Variants in AKAP6 observed in about 807,000 individuals in gnomAD.
AKAP6 encodes A-kinase anchoring protein 6, also known as A-kinase anchor protein 6.
Under a neutral mutation model 188.5 loss-of-function variants are expected in AKAP6, and 58 were observed. The ratio of observed to expected loss-of-function variants is 0.31; its 90% CI spans 0.25 to 0.38. The LOEUF (loss-of-function observed/expected upper bound fraction) is 0.38, where lower values mean the gene tolerates loss of function less well. Ranked by LOEUF, AKAP6 falls within the 10% of genes least tolerant of loss-of-function variation. The probability of loss-of-function intolerance (pLI) is 1.00; values close to 1 mark genes in which losing one functional copy is unlikely to be tolerated. For missense variants in AKAP6, 2,710 were observed against 2,740.0 expected (o/e 0.99, Z 0.24); for synonymous variants, 989 against 998.6 (o/e 0.99, Z 0.18).
chr14:32,349,304 T>G (rs1887180936), intron 1 of AKAP6, among the ~76,000 whole-genome samples: 2 of 150,794 alleles, frequency 1.3e-5, no homozygotes, highest in Admixed American at 1.3e-4. Context: ...TTCAAAACAT[T>G]TCATTTAAAC....
intron 12 of AKAP6, among the ~76,000 whole-genome samples, chr14:32,793,085 A>G (rs1192783290): frequency 6.6e-6 from 1 of 152,232 alleles, no homozygotes; most frequent in Non-Finnish European, 1.5e-5. Flanking sequence ...ACTGAAGTAC[A>G]CAGACCAGTG....
intron 1 of AKAP6, among the ~76,000 whole-genome samples, chr14:32,358,714 G>A (rs1172009191): frequency 6.6e-6 from 1 of 152,108 alleles, no homozygotes; most frequent in South Asian, 2.1e-4. Flanking sequence ...TGGTGGGTGG[G>A]TTTCCTCAGG....
At chr14:32,819,138 G>A (rs1166241619) in intron 12 of AKAP6, among the ~76,000 whole-genome samples, 3 of 151,972 alleles carry the variant, frequency 2.0e-5, no homozygotes, top group African/African-American at 7.3e-5. Flanking sequence ...ATGATTGCTG[G>A]GTACTAGATT....
At chr14:32,735,945 C>T in intron 11 of AKAP6, 63 bp downstream of exon 11, 1 of 1,272,148 alleles carries the variant, frequency 7.9e-7, no homozygotes, top group South Asian at 1.4e-5. Flanking sequence ...AAATATTTAT[C>T]AAGTACATGA....
chr14:32,585,046 C>T (rs1009281612), intron 5 of AKAP6, among the ~76,000 whole-genome samples: 61 of 148,294 alleles, frequency 4.1e-4, no homozygotes, highest in African/African-American at 1.4e-3. Flanking sequence ...TTTTTTTTCC[C>T]CTTTAAGAGA....
chr14:32,331,233 GT>G (rs1237292964), intron 1 of AKAP6, among the ~76,000 whole-genome samples: 5 of 152,026 alleles, frequency 3.3e-5, no homozygotes, highest in Admixed American at 1.3e-4. Context: ...ATTGTAATGA[GT>G]TTTCTGTTTG....
At chr14:32,707,903 G>A (rs542366392) in intron 9 of AKAP6, among the ~76,000 whole-genome samples, 1 of 152,116 alleles carries the variant, frequency 6.6e-6, no homozygotes, top group African/African-American at 2.4e-5. Flanking sequence ...TGATATCAGG[G>A]AGAAAGAGAA....
At chr14:32,642,467 T>A (rs2139496787) in intron 7 of AKAP6, among the ~76,000 whole-genome samples, 1 of 152,348 alleles carries the variant, frequency 6.6e-6, no homozygotes, top group East Asian at 1.9e-4. Flanking sequence ...ATATAAAAAC[T>A]TTTGAACTTA....
In AKAP6 at chr14:32,828,529, T is replaced by TCA. The variant is rs55957852; in HGVS notation, c.*43-1277_*43-1276dup. On this transcript the variant is annotated intron_variant, in intron 13 of 13. Coordinates refer to ENST00000280979, the MANE Select transcript of AKAP6 (RefSeq NM_004274.5). ...CTATCTCTCTCTCTCTCTCTCTCTC[T>TCA]CACACACACACACACACACACACAC... 3.5e-3 allele frequency among the ~76,000 whole-genome samples: 264 copies of TCA among 75,996 alleles called. 3 individuals are homozygous for TCA. Among genetic ancestry groups the TCA allele is most frequent in the Middle Eastern group, 0.013 (2 of 150 alleles). The allele number at this position is 75,996 out of a possible 152,430, so 49.9% of individuals were successfully genotyped here. A position where few individuals can be genotyped will look rare whatever the true frequency, so the allele number is the denominator to read the frequency against.
At chr14:32,396,208 A>C (rs1404296632) in intron 1 of AKAP6, among the ~76,000 whole-genome samples, 1 of 152,074 alleles carries the variant, frequency 6.6e-6, no homozygotes, top group African/African-American at 2.4e-5. Flanking sequence ...AAATATGATA[A>C]ATTTCACTCC....
intron 4 of AKAP6, among the ~76,000 whole-genome samples, chr14:32,549,412 G>A (rs937596355): frequency 3.3e-5 from 5 of 152,202 alleles, no homozygotes; most frequent in African/African-American, 1.2e-4. Context: ...GTTTCAGGTA[G>A]GAGGAGCATA....
At position 32,546,561 on chromosome 14, in the gene AKAP6, C is replaced by T. The variant is rs1012216928; in HGVS notation, c.1908C>T (p.His636=). The change falls in exon 4 of 14, where the codon CAC becomes CAT. Residue 636 remains histidine (H), a synonymous_variant. Transcript: ENST00000280979. ...GSDEYLALPS[H]LKQTEVLALK... ...ATGAATACCTAGCACTGCCCTCTCA[C>T]CTTAAGCAGACAGAAGTATTGGCTT... is the stretch of plus-strand genomic sequence containing the variant. 15 of 1,614,008 alleles carry T rather than the reference C, an allele frequency of 9.3e-6. No homozygotes were observed. Among genetic ancestry groups the T allele is most frequent in the African/African-American group, 8.0e-5 (6 of 74,906 alleles).
chr14:32,344,565 A>C (rs1887001845), intron 1 of AKAP6, among the ~76,000 whole-genome samples: 1 of 152,158 alleles, frequency 6.6e-6, no homozygotes, highest in Non-Finnish European at 1.5e-5. Flanking sequence ...GGGTATAGAT[A>C]AGGGCATTCC....
rs905677117 is a variant in AKAP6, at chr14:32,364,485, G to A, written c.-35+35077G>A. On this transcript the variant is annotated intron_variant, in intron 1 of 13. Coordinates refer to ENST00000280979, the MANE Select transcript of AKAP6 (RefSeq NM_004274.5). ...CCCTACCCAATTTGTTGAAAGGGGG[G>A]TAGTGGGATTATTTTGGTGAATATC... 9.9e-5 allele frequency among the ~76,000 whole-genome samples: 15 copies of A among 152,150 alleles called. 1 individual carries two copies. The highest frequency in any genetic ancestry group is 3.1e-4 in the African/African-American group (13 of 41,442).
In AKAP6 at chr14:32,836,504, G is replaced by A. The variant is rs1308849580; in HGVS notation, c.*6699G>A. The A allele has an allele frequency of 1.3e-5, 2 of 152,146 alleles. No individual in the cohort carries two copies. The highest frequency in any genetic ancestry group is 2.9e-5 in the Non-Finnish European group (2 of 68,046). The allele number at this position is 152,146 out of a possible 1,614,324, so 9.4% of individuals were successfully genotyped here. A position where few individuals can be genotyped will look rare whatever the true frequency, so the allele number is the denominator to read the frequency against. ...GGGGTACACAAATATTGAGGTGATA[G>A]ACACTTCCAGGCTTTTGCCAAACAT... On this transcript the variant is annotated 3_prime_UTR_variant, in exon 14 of 14. Coordinates refer to ENST00000280979, the MANE Select transcript of AKAP6 (RefSeq NM_004274.5).
chr14:32,540,556 G>A lies in AKAP6; in HGVS notation c.577-4674G>A, dbSNP rs144327685. Among the ~76,000 whole-genome samples the A allele has an allele frequency of 4.9e-3, 741 of 152,064 alleles. 5 individuals carry two copies. Among genetic ancestry groups the A allele is most frequent in the East Asian group, 0.013 (67 of 5,170 alleles). ...AAGTGGAGTGGGTACATGGCTAGGC[G>A]GCTCTCACCCAGCTACAAGTACTAC... On this transcript the variant is annotated intron_variant, in intron 3 of 13. Coordinates refer to ENST00000280979, the MANE Select transcript of AKAP6 (RefSeq NM_004274.5).
At chr14:32,405,107 C>T (rs1889244361) in intron 1 of AKAP6, among the ~76,000 whole-genome samples, 1 of 152,020 alleles carries the variant, frequency 6.6e-6, no homozygotes, top group Non-Finnish European at 1.5e-5. Context: ...TTTTCCTAAT[C>T]TCAAGCCAGT....
intron 1 of AKAP6, among the ~76,000 whole-genome samples, chr14:32,394,489 T>C (rs1339523117): frequency 6.6e-6 from 1 of 152,030 alleles, no homozygotes; most frequent in African/African-American, 2.4e-5. Context: ...TCAAAAAGAA[T>C]AAAATAAAAA....
At chr14:32,364,387 G>A (rs544750120) in intron 1 of AKAP6, among the ~76,000 whole-genome samples, 1 of 152,238 alleles carries the variant, frequency 6.6e-6, no homozygotes, top group East Asian at 1.9e-4. Flanking sequence ...TGTGGTTGCT[G>A]CTGATGGGCA....
Sources: gnomAD v4.1 joint callset for allele counts (sites outside exome capture counted in the v4.1 genomes callset) on GRCh38, gnomAD v4.1.1 for gene constraint, MANE v1.5 for transcripts, NCBI Gene and HGNC (gene_info 2026-07-23, HGNC 2026-07-21) for gene names.